Variants in TBCD observed in about 807,000 individuals in gnomAD.
TBCD encodes the protein tubulin-specific chaperone D.
Under a neutral mutation model 169.3 loss-of-function variants are expected in TBCD, and 105 were observed. The observed-to-expected ratio is 0.62, with a 90% CI of 0.53 to 0.73. TBCD has a LOEUF of 0.73. TBCD is among the 30% of genes least tolerant of loss of function. The pLI is 0.00. For synonymous variants in TBCD, 700 were observed against 643.9 expected (o/e 1.09, Z -1.32); for missense variants, 1,444 against 1,600.1 (o/e 0.90, Z 1.66).
intron 38 of TBCD, chr17:82,942,045 C>T (rs780142745): frequency 2.3e-5 from 7 of 310,048 alleles, no homozygotes; most frequent in Non-Finnish European, 3.6e-5. Flanking sequence ...AGGAGGAGAA[C>T]CATGTCTAGA....
At position 82,891,151 on chromosome 17, in the gene TBCD, C is replaced by T. The variant is rs117692780; in HGVS notation, c.1563+1454C>T. Among the ~76,000 whole-genome samples the T allele has an allele frequency of 9.0e-3, 1,376 of 152,300 alleles. 12 individuals are homozygous for T. Among genetic ancestry groups the T allele is most frequent in the Non-Finnish European group, 0.015 (1,011 of 68,018 alleles). ...TGCTTCCTGGGAGGAGCAGCCCAGT[C>T]GCATAGGGAGCCACGGGGCCCTGCA... On this transcript the variant is annotated intron_variant, in intron 16 of 38. Transcript: ENST00000355528.
At chr17:82,879,059 C>CTTTTTTTTTTTTTTTTTTTTTTTTT (rs58480407) in intron 14 of TBCD, among the ~76,000 whole-genome samples, 5 of 113,992 alleles carry the variant, frequency 4.4e-5, no homozygotes, top group Non-Finnish European at 3.6e-5. Context: ...AGATCCTGTT[C>CTTTTTTTTTTTTTTTTTTTTTTTTT]TTTTTTTTTT....
intron 14 of TBCD, among the ~76,000 whole-genome samples, chr17:82,879,288 C>T (rs1421791000): frequency 6.6e-6 from 1 of 152,074 alleles, no homozygotes; most frequent in Non-Finnish European, 1.5e-5. Context: ...TGCCCCTCTT[C>T]ACAGTCCATG....
chr17:82,926,810 C>G, intron 28 of TBCD: 1 of 510,858 alleles, frequency 2.0e-6, no homozygotes, highest in Non-Finnish European at 3.5e-6. Context: ...TTGACAGACA[C>G]GCACCTGGGG....
At position 82,845,464 on chromosome 17, in the gene TBCD, C is replaced by T. The variant is rs554028375; in HGVS notation, c.1319-24760C>T. Among the ~76,000 whole-genome samples, 6 of 127,216 alleles carry T rather than the reference C, an allele frequency of 4.7e-5. No homozygotes were observed. The East Asian group carries it at 7.3e-4, about 15-fold the overall frequency. 83.5% of individuals were successfully genotyped at this position (127,216 alleles called of 152,430 possible). On this transcript the variant is annotated intron_variant, in intron 13 of 38. Transcript: ENST00000355528. ...CCCTTCCTCTCCATCTCGTCTGGCC[C>T]GGCCCCTTCCTCTCCGTCTGTCCTG...
chr17:82,887,168 T>TGTGTGTGTGTGTGTGTGCGTGCGCGC, intron 15 of TBCD, among the ~76,000 whole-genome samples: 1 of 126,102 alleles, frequency 7.9e-6, no homozygotes, highest in Non-Finnish European at 1.7e-5. Context: ...TGTGTGTGTG[T>TGTGTGTGTGTGTGTGTGCGTGCGCGC]GCGCGCGCGC....
chr17:82,781,227 G>A (rs2144284798), intron 6 of TBCD, among the ~76,000 whole-genome samples: 1 of 151,132 alleles, frequency 6.6e-6, no homozygotes, highest in East Asian at 2.0e-4. Context: ...TGCAGAGTTG[G>A]GTCCAGGGAG....
At chr17:82,797,661 T>C (rs1353436038) in intron 7 of TBCD, 96 bp from the exon 8 acceptor site, 1 of 942,030 alleles carries the variant, frequency 1.1e-6, no homozygotes, top group African/African-American at 1.7e-5. Flanking sequence ...GAATAAAAAT[T>C]CTGAAAGATG....
At chr17:82,813,162 GTCACACTT>G (rs1320495854) in intron 12 of TBCD, among the ~76,000 whole-genome samples, 1 of 152,068 alleles carries the variant, frequency 6.6e-6, no homozygotes, top group African/African-American at 2.4e-5. Context: ...TGGCTTACTT[GTCACACTT>G]TAACACCAAA....
chr17:82,925,773 G>T (rs1295919497), intron 27 of TBCD, among the ~76,000 whole-genome samples: 1 of 152,184 alleles, frequency 6.6e-6, no homozygotes, highest in East Asian at 1.9e-4. Context: ...ATCACTTGGA[G>T]ATATGACAGA....
chr17:82,764,699 T>G (rs565292623), intron 3 of TBCD, among the ~76,000 whole-genome samples: 1 of 152,396 alleles, frequency 6.6e-6, no homozygotes, highest in Admixed American at 6.5e-5. Context: ...GGAATTTTGC[T>G]GTGCTATAGA....
At chr17:82,938,997 A>G (rs1201340765) in intron 36 of TBCD, 1 of 345,562 alleles carries the variant, frequency 2.9e-6, no homozygotes, top group Non-Finnish European at 5.4e-6. Flanking sequence ...CTGGTGAGGG[A>G]GCAGGTTGGT....
intron 13 of TBCD, among the ~76,000 whole-genome samples, chr17:82,824,932 T>C (rs1417521659): frequency 6.6e-6 from 1 of 151,348 alleles, no homozygotes; most frequent in Non-Finnish European, 1.5e-5. Context: ...AGTTAAAAAA[T>C]AAGTCTCTTT....
intron 13 of TBCD, among the ~76,000 whole-genome samples, chr17:82,819,388 C>A (rs145053207): frequency 6.6e-6 from 1 of 152,336 alleles, no homozygotes; most frequent in East Asian, 1.9e-4. Context: ...TCCACACATA[C>A]AGTGCACACA....
intron 18 of TBCD, among the ~76,000 whole-genome samples, chr17:82,901,763 C>T (rs1380588120): frequency 5.3e-5 from 8 of 152,264 alleles, no homozygotes; most frequent in African/African-American, 1.2e-4. Flanking sequence ...CTCGGGCTGC[C>T]GGGGGAAGAC....
intron 11 of TBCD, among the ~76,000 whole-genome samples, chr17:82,808,835 GA>G (rs973706332): frequency 6.6e-5 from 10 of 150,654 alleles, no homozygotes; most frequent in African/African-American, 2.5e-4. Flanking sequence ...CTGTGGAAGG[GA>G]TGAAGCAGGT....
chr17:82,927,183 C>T lies in TBCD; in HGVS notation c.2472-3C>T. 1 of 1,613,674 alleles carries T rather than the reference C, an allele frequency of 6.2e-7. No individual in the cohort carries two copies. Among genetic ancestry groups the T allele is most frequent in the Non-Finnish European group, 8.5e-7 (1 of 1,179,802 alleles). On this transcript the variant is annotated splice_polypyrimidine_tract_variant and splice_region_variant and intron_variant, in intron 28 of 38. Transcript: ENST00000355528. ...TTGTTAGCTCACACATTTTAAATTT[C>T]AGGATTTGCCAGACTGTTGGTGTGA... is the stretch of plus-strand genomic sequence containing the variant.
intron 13 of TBCD, chr17:82,839,018 C>A (rs1046408292): frequency 1.0e-6 from 1 of 969,890 alleles, no homozygotes; most frequent in African/African-American, 1.8e-5. Context: ...AGGAAAAAAA[C>A]CCTTTTGTAT....
chr17:82,857,890 C>T (rs1447122920), intron 13 of TBCD, among the ~76,000 whole-genome samples: 1 of 151,130 alleles, frequency 6.6e-6, no homozygotes, highest in African/African-American at 2.4e-5. Flanking sequence ...CCCACTAACT[C>T]GTCATCTAGC....
Sources: gnomAD v4.1 joint callset for allele counts (sites outside exome capture counted in the v4.1 genomes callset) on GRCh38, gnomAD v4.1.1 for gene constraint, MANE v1.5 for transcripts, NCBI Gene and HGNC (gene_info 2026-07-23, HGNC 2026-07-21) for gene names.